The following CAMK2B variants were observed in gnomAD, a reference collection of about 807,000 sequenced individuals.
CAMK2B encodes calcium/calmodulin-dependent protein kinase type II subunit beta.
CAMK2B carries 27 observed loss-of-function variants against 93.7 expected under a neutral mutation model. That is an observed-to-expected ratio of 0.29 (90% CI 0.21 to 0.40). The LOEUF (loss-of-function observed/expected upper bound fraction) is 0.40. CAMK2B is among the 10% of genes least tolerant of loss of function. CAMK2B has a pLI of 1.00. For synonymous variants in CAMK2B, 374 were observed against 358.8 expected (o/e 1.04, Z -0.48); for missense variants, 568 against 895.8 (o/e 0.63, Z 4.67).
At chr7:44,313,523 C>T (rs531082895) in intron 1 of CAMK2B, among the ~76,000 whole-genome samples, 2 of 151,230 alleles carry the variant, frequency 1.3e-5, no homozygotes, top group South Asian at 2.1e-4. Context: ...GAGGCCCAGA[C>T]GTGGGGTGAG....
rs933915153 is a variant in CAMK2B, at chr7:44,314,269, G to A, written c.65+11088C>T. ...CATCACTTCAGAACCAAACTTCTAC[G>A]CATTAGCAGTCACTGCCCATCCTCT... On this transcript the variant is annotated intron_variant, in intron 1 of 23. Coordinates refer to ENST00000395749, the MANE Select transcript of CAMK2B (RefSeq NM_001220.5). Among the ~76,000 whole-genome samples the A allele has an allele frequency of 4.6e-5, 7 of 152,170 alleles. No homozygotes were observed. The East Asian group carries it at 9.6e-4, about 21-fold the overall frequency.
intron 2 of CAMK2B, among the ~76,000 whole-genome samples, chr7:44,276,850 G>T (rs980174875): frequency 2.0e-5 from 3 of 152,318 alleles, no homozygotes; most frequent in Middle Eastern, 3.4e-3. Flanking sequence ...CCAGCTAGGG[G>T]ACCCCGTCCA....
chr7:44,304,480 A>G (rs1790904285), intron 1 of CAMK2B, among the ~76,000 whole-genome samples: 1 of 152,188 alleles, frequency 6.6e-6, no homozygotes, highest in Admixed American at 6.5e-5. Context: ...TTAAGTGGCC[A>G]CTGCTGAATA....
At chr7:44,221,512 A>G (rs1314520865) in intron 20 of CAMK2B, among the ~76,000 whole-genome samples, 1 of 150,294 alleles carries the variant, frequency 6.7e-6, no homozygotes, top group African/African-American at 2.5e-5. Flanking sequence ...CGCAGGCTGC[A>G]GGGTTCCCCG....
chr7:44,262,473 G>A (rs1265345742), intron 3 of CAMK2B, among the ~76,000 whole-genome samples: 3 of 152,254 alleles, frequency 2.0e-5, no homozygotes, highest in African/African-American at 7.2e-5. Context: ...ACAGTCAGGG[G>A]CTCTCAGCCC....
At chr7:44,256,738 G>A (rs1312071441) in intron 4 of CAMK2B, among the ~76,000 whole-genome samples, 1 of 152,230 alleles carries the variant, frequency 6.6e-6, no homozygotes, top group Non-Finnish European at 1.5e-5. Flanking sequence ...GCCCAGAGTC[G>A]CTCCAAGGGG....
chr7:44,252,343 A>C (rs2096788264), intron 5 of CAMK2B, among the ~76,000 whole-genome samples: 1 of 151,854 alleles, frequency 6.6e-6, no homozygotes, highest in Non-Finnish European at 1.5e-5. Context: ...GATGAACACA[A>C]AGACTCCTAA....
intron 13 of CAMK2B, among the ~76,000 whole-genome samples, chr7:44,237,238 C>G (rs2096634661): frequency 6.6e-6 from 1 of 152,252 alleles, no homozygotes; most frequent in Admixed American, 6.5e-5. Context: ...AGACCCCGGA[C>G]AGTCCTTGGT....
intron 1 of CAMK2B, among the ~76,000 whole-genome samples, chr7:44,305,603 G>A (rs565191195): frequency 2.4e-4 from 37 of 152,348 alleles, no homozygotes; most frequent in African/African-American, 8.2e-4. Context: ...GGAGATGGAC[G>A]GGGCACCCCT....
At chr7:44,243,082 CTCTT>C in intron 8 of CAMK2B, among the ~76,000 whole-genome samples, 164 bp downstream of exon 8, 1 of 152,362 alleles carries the variant, frequency 6.6e-6, no homozygotes, top group South Asian at 2.1e-4. Flanking sequence ...GGAAAGGGGG[CTCTT>C]GGCTGTGTGG....
intron 1 of CAMK2B, among the ~76,000 whole-genome samples, chr7:44,321,405 C>G (rs1229941839): frequency 6.6e-6 from 1 of 152,004 alleles, no homozygotes; most frequent in Admixed American, 6.5e-5. Context: ...TTGGGCCTAT[C>G]TCAGGTTTAG....
chr7:44,221,245 C>T (rs1309742190), intron 20 of CAMK2B, among the ~76,000 whole-genome samples: 1 of 152,254 alleles, frequency 6.6e-6, no homozygotes, highest in Non-Finnish European at 1.5e-5. Context: ...CTGTCCGCCA[C>T]AGTCTCCCTC....
In CAMK2B at chr7:44,271,659, G is replaced by A. The variant is rs1005493718; in HGVS notation, c.161-8595C>T. Among the ~76,000 whole-genome samples, 12 of 152,226 alleles carry A rather than the reference G, an allele frequency of 7.9e-5. No individual in the cohort carries two copies. Among genetic ancestry groups the A allele is most frequent in the African/African-American group, 2.9e-4 (12 of 41,452 alleles). On this transcript the variant is annotated intron_variant, in intron 2 of 23. Transcript: ENST00000395749. This position sits in a 1 kb window ranked among gnomAD's most constrained non-coding sequence, Gnocchi z 4.2. ...AGACCAGATTGGGCAGCTGGGTGGG[G>A]ACGAAGGAGTGGCTTCCAGCAGCCC...
intron 1 of CAMK2B, among the ~76,000 whole-genome samples, chr7:44,309,520 C>T (rs1317810857): frequency 6.6e-6 from 1 of 152,176 alleles, no homozygotes; most frequent in African/African-American, 2.4e-5. Context: ...CTCCGTCGCG[C>T]CCCTAAGCAC....
intron 1 of CAMK2B, among the ~76,000 whole-genome samples, chr7:44,302,101 A>G (rs2129180628): frequency 6.6e-6 from 1 of 152,336 alleles, no homozygotes; most frequent in South Asian, 2.1e-4. Context: ...TAAAAGACTA[A>G]TAAAGAAATA....
At chr7:44,300,471 T>A (rs1394243799) in intron 1 of CAMK2B, among the ~76,000 whole-genome samples, 1 of 151,320 alleles carries the variant, frequency 6.6e-6, no homozygotes, top group Admixed American at 6.6e-5. Context: ...CAGGAGTAAC[T>A]ATATTGATAT....
At chr7:44,295,024 G>C (rs1584719384) in intron 1 of CAMK2B, among the ~76,000 whole-genome samples, 1 of 152,208 alleles carries the variant, frequency 6.6e-6, no homozygotes, top group African/African-American at 2.4e-5. Context: ...AGATTAGAAA[G>C]ATGGGAGGTT....
At chr7:44,245,594 C>T (rs569121912) in intron 6 of CAMK2B, among the ~76,000 whole-genome samples, 38 of 152,224 alleles carry the variant, frequency 2.5e-4, no homozygotes, top group Admixed American at 8.5e-4. Flanking sequence ...CACGTGGCCC[C>T]GAGGGGAGCA....
At chr7:44,307,181 G>C (rs1792066088) in intron 1 of CAMK2B, among the ~76,000 whole-genome samples, 1 of 132,350 alleles carries the variant, frequency 7.6e-6, no homozygotes, top group Non-Finnish European at 1.6e-5. Context: ...AGGGAGGAGG[G>C]TGTGAGCAGA....
Sources: gnomAD v4.1 joint callset for allele counts (sites outside exome capture counted in the v4.1 genomes callset) on GRCh38, gnomAD v4.1.1 for gene constraint, Gnocchi (gnomAD v3.1) non-coding constraint, MANE v1.5 for transcripts, NCBI Gene and HGNC (gene_info 2026-07-23, HGNC 2026-07-21) for gene names.